Variants in DGKI observed in about 807,000 individuals in gnomAD.
The protein encoded by DGKI is DAG kinase iota.
In DGKI, 55 loss-of-function variants were observed where a neutral mutation model predicts 147.5. The ratio of observed to expected loss-of-function variants is 0.37; its 90% CI spans 0.30 to 0.47. The LOEUF (loss-of-function observed/expected upper bound fraction) is 0.47, where lower values mean the gene tolerates loss of function less well. Among genes scored for constraint, DGKI ranks in the 20% least tolerant of loss-of-function variants. The pLI is 1.00. For synonymous variants in DGKI, 469 were observed against 477.1 expected (o/e 0.98, Z 0.22); for missense variants, 1,007 against 1,323.8 (o/e 0.76, Z 3.71).
intron 20 of DGKI, among the ~76,000 whole-genome samples, chr7:137,526,700 C>G (rs956911646): frequency 1.3e-5 from 2 of 152,052 alleles, no homozygotes; most frequent in African/African-American, 4.8e-5. Flanking sequence ...TCAATTTACA[C>G]TTAATCTTGC....
In DGKI at chr7:137,846,648, C is replaced by G. The variant is rs1442491142; in HGVS notation, c.215G>C (p.Ser72Thr). The change falls in exon 1 of 33, where the codon AGC (serine) becomes ACC (threonine). Residue 72 changes from serine to threonine, a missense_variant. Coordinates refer to ENST00000614521, the MANE Select transcript of DGKI (RefSeq NM_001321708.2). The surrounding 1 kb of genome is among the most constrained non-coding windows in gnomAD (Gnocchi z 4.0). ...GCAGCAGCTCCCGGCGCCGCTTCCG[C>G]TGCTGCTGCTGCCGCCCGTCGCCCC... ...EKGATGGSSS[S>T]GSGAGSCCLG... 49 of 1,063,792 alleles carry G rather than the reference C, an allele frequency of 4.6e-5. No homozygotes were observed. Among genetic ancestry groups the G allele is most frequent in the African/African-American group, 6.9e-5 (4 of 58,296 alleles). The allele number at this position is 1,063,792 out of a possible 1,614,324, so 65.9% of individuals were successfully genotyped here.
intron 1 of DGKI, among the ~76,000 whole-genome samples, chr7:137,785,808 G>T (rs981078842): frequency 1.3e-5 from 2 of 152,126 alleles, no homozygotes; most frequent in Non-Finnish European, 2.9e-5. Context: ...GGGATGCAGG[G>T]ATGGTTTAAC....
rs1534460 is a variant in DGKI, at chr7:137,500,166, A to G, written c.2249-12477T>C. On this transcript the variant is annotated intron_variant, in intron 21 of 32. Coordinates refer to ENST00000614521, the MANE Select transcript of DGKI (RefSeq NM_001321708.2). ...TTAAGCCCTGAGAAAATTATACTAC[A>G]AATTACCCCTTTCCAGCCAAAATAT... Among the ~76,000 whole-genome samples, 352 of 152,240 alleles carry G rather than the reference A, an allele frequency of 2.3e-3. 10 individuals are homozygous for G. In the East Asian group the frequency reaches 0.062, roughly 27 times the overall value.
chr7:137,523,776 T>C (rs531177646), intron 20 of DGKI, among the ~76,000 whole-genome samples: 13 of 152,282 alleles, frequency 8.5e-5, no homozygotes, highest in African/African-American at 3.1e-4. Flanking sequence ...ACAGTATATT[T>C]ATAGATACAG....
At chr7:137,781,724 T>C (rs972972334) in intron 1 of DGKI, among the ~76,000 whole-genome samples, 1 of 152,212 alleles carries the variant, frequency 6.6e-6, no homozygotes, top group Non-Finnish European at 1.5e-5. Context: ...GTTTTTAACC[T>C]GAATGTTTTG....
intron 21 of DGKI, among the ~76,000 whole-genome samples, chr7:137,500,241 C>T (rs1234681920): frequency 4.6e-5 from 7 of 151,930 alleles, no homozygotes; most frequent in African/African-American, 7.3e-5. Flanking sequence ...CTCCATTAAC[C>T]CTCTTTCCCT....
Position 137,846,134 on chromosome 7 carries a change from T to TTCTCTCTCTCTCTCTC in DGKI, c.401+312_401+327dup, listed in dbSNP as rs775814446. On this transcript the variant is annotated intron_variant, in intron 1 of 32. Transcript: ENST00000614521. This position sits in a 1 kb window ranked among gnomAD's most constrained non-coding sequence, Gnocchi z 4.0. ...TCTGCAACCCTTTCTCTCTCTCTCT[T>TTCTCTCTCTCTCTCTC]TCTCTCTCTCTCTCTCTCTCTCTCT... Among the ~76,000 whole-genome samples the TTCTCTCTCTCTCTCTC allele has an allele frequency of 3.4e-3, 294 of 85,276 alleles. 3 individuals carry two copies. Among genetic ancestry groups the TTCTCTCTCTCTCTCTC allele is most frequent in the East Asian group, 0.016 (38 of 2,442 alleles). The allele number at this position is 85,276 out of a possible 152,430, so 55.9% of individuals were successfully genotyped here. A position where few individuals can be genotyped will look rare whatever the true frequency, so the allele number is the denominator to read the frequency against.
chr7:137,530,408 C>T (rs2128956552), intron 20 of DGKI, among the ~76,000 whole-genome samples: 1 of 152,218 alleles, frequency 6.6e-6, no homozygotes, highest in South Asian at 2.1e-4. Context: ...CCCCTTTAGA[C>T]CAAGTTAATA....
intron 21 of DGKI, among the ~76,000 whole-genome samples, chr7:137,493,347 T>C (rs963128744): frequency 2.0e-5 from 3 of 152,114 alleles, no homozygotes; most frequent in Non-Finnish European, 4.4e-5. Context: ...AGGGCCCCAC[T>C]CCAGCTGATG....
intron 1 of DGKI, among the ~76,000 whole-genome samples, chr7:137,829,604 G>A (rs1235892306): frequency 6.6e-6 from 1 of 152,214 alleles, no homozygotes; most frequent in Non-Finnish European, 1.5e-5. Flanking sequence ...GAAGGAACCG[G>A]ATTTCAAATT....
chr7:137,831,931 G>C (rs1019828714), intron 1 of DGKI, among the ~76,000 whole-genome samples: 4 of 152,200 alleles, frequency 2.6e-5, no homozygotes, highest in Non-Finnish European at 5.9e-5. Flanking sequence ...AAAACAGAGG[G>C]GCAACAGGCC....
chr7:137,722,827 AT>A lies in DGKI; in HGVS notation c.402-32826del, dbSNP rs1794608552. 1.1e-4 allele frequency: 131 copies of A among 1,171,170 alleles called. No homozygotes were observed. The South Asian group carries it at 1.6e-3, about 14-fold the overall frequency. The allele number at this position is 1,171,170 out of a possible 1,614,324, so 72.5% of individuals were successfully genotyped here. Reference sequence around the variant, plus strand: ...ATCTGTGGTTGCCCTGACGAATGGAATTTATCCTCACAAATTGGTGTTCTAA... The same window carrying A: ...ATCTGTGGTTGCCCTGACGAATGGAATTATCCTCACAAATTGGTGTTCTAA... On this transcript the variant is annotated intron_variant, in intron 1 of 32. Transcript: ENST00000614521.
At chr7:137,538,160 A>G (rs1182360300) in intron 20 of DGKI, among the ~76,000 whole-genome samples, 1 of 152,214 alleles carries the variant, frequency 6.6e-6, no homozygotes, top group East Asian at 1.9e-4. Flanking sequence ...TTAGCCATCT[A>G]TGGCTAATTT....
intron 28 of DGKI, among the ~76,000 whole-genome samples, chr7:137,425,585 A>G (rs539563840): frequency 6.6e-6 from 1 of 152,360 alleles, no homozygotes; most frequent in South Asian, 2.1e-4. Flanking sequence ...AAGGCTTCAG[A>G]CGATCAAATT....
chr7:137,537,702 C>T (rs1817565552), intron 20 of DGKI, among the ~76,000 whole-genome samples: 1 of 152,112 alleles, frequency 6.6e-6, no homozygotes, highest in Admixed American at 6.6e-5. Context: ...GCTCCACTGG[C>T]CCATGAGTGC....
rs1263798242 is a variant in DGKI, at chr7:137,507,578, T to C, written c.2248+14288A>G. 7.2e-5 allele frequency among the ~76,000 whole-genome samples: 11 copies of C among 152,336 alleles called. No homozygotes were observed. The South Asian group carries it at 8.3e-4, about 11-fold the overall frequency. Reference sequence around the variant, plus strand: ...TCTTCATTAATTTGGTAAATATATATTGCATATACAAAGAATTATGCCACA... The same window carrying C: ...TCTTCATTAATTTGGTAAATATATACTGCATATACAAAGAATTATGCCACA... On this transcript the variant is annotated intron_variant, in intron 21 of 32. Coordinates refer to ENST00000614521, the MANE Select transcript of DGKI (RefSeq NM_001321708.2).
At chr7:137,571,998 A>G (rs1818809940) in intron 18 of DGKI, among the ~76,000 whole-genome samples, 2 of 152,218 alleles carry the variant, frequency 1.3e-5, no homozygotes, top group Admixed American at 1.3e-4. Flanking sequence ...TAAAATTGTA[A>G]CTGACTATAT....
At chr7:137,725,053 G>A (rs1183591468) in intron 1 of DGKI, among the ~76,000 whole-genome samples, 3 of 152,114 alleles carry the variant, frequency 2.0e-5, no homozygotes, top group Non-Finnish European at 4.4e-5. Context: ...GAGGTGAGAA[G>A]GGGATGAGGT....
chr7:137,554,047 A>G (rs1818138454), intron 19 of DGKI, among the ~76,000 whole-genome samples: 1 of 152,206 alleles, frequency 6.6e-6, no homozygotes, highest in Non-Finnish European at 1.5e-5. Flanking sequence ...TCAAAAATAA[A>G]ACAACAGCAA....
Sources: gnomAD v4.1 joint callset for allele counts (sites outside exome capture counted in the v4.1 genomes callset) on GRCh38, gnomAD v4.1.1 for gene constraint, Gnocchi (gnomAD v3.1) non-coding constraint, MANE v1.5 for transcripts, NCBI Gene and HGNC (gene_info 2026-07-23, HGNC 2026-07-21) for gene names.